The following GOLGB1 variants were observed in gnomAD, a reference collection of about 807,000 sequenced individuals.
GOLGB1 encodes the protein golgin subfamily B member 1.
In GOLGB1, 174 loss-of-function variants were observed where a neutral mutation model predicts 336.9. That is an observed-to-expected ratio of 0.52 (90% CI 0.46 to 0.59). GOLGB1 has a LOEUF of 0.59. Ranked by LOEUF, GOLGB1 falls within the 20% of genes least tolerant of loss-of-function variation. The probability of loss-of-function intolerance (pLI) is 0.00; values close to 1 mark genes in which losing one functional copy is unlikely to be tolerated. For synonymous variants in GOLGB1, 1,208 were observed against 1,289.2 expected, an observed-to-expected ratio of 0.94 and a Z score of 1.35; for missense variants, 3,331 against 3,645.3, an observed-to-expected ratio of 0.91 and a Z score of 2.22.
At chr3:121,731,037 A>T in intron 1 of GOLGB1, 64 bp from the exon 2 acceptor site, 4 of 1,465,234 alleles carry the variant, frequency 2.7e-6, no homozygotes, top group Non-Finnish European at 3.7e-6. Context: ...CTTCTCCTAT[A>T]TTGATAACCA....
intron 1 of GOLGB1, among the ~76,000 whole-genome samples, chr3:121,734,387 C>A: frequency 1.1e-5 from 1 of 90,628 alleles, no homozygotes; most frequent in African/African-American, 4.0e-5. Context: ...AAGACTCTGT[C>A]TCGGGAAAAA....
chr3:121,669,008 C>G (rs562973816), intron 18 of GOLGB1, among the ~76,000 whole-genome samples: 1 of 152,146 alleles, frequency 6.6e-6, no homozygotes, highest in Non-Finnish European at 1.5e-5. Flanking sequence ...TCTCTCCCAC[C>G]ATCTCACTGA....
At chr3:121,733,494 G>C (rs1284722132) in intron 1 of GOLGB1, among the ~76,000 whole-genome samples, 1 of 152,020 alleles carries the variant, frequency 6.6e-6, no homozygotes, top group Non-Finnish European at 1.5e-5. Context: ...AATAAATGTA[G>C]AAATAAAACA....
rs1560237815 is a variant in GOLGB1 at position 121,697,008 on chromosome 3, A to T, written c.3515T>A (p.Leu1172Gln). 6.8e-6 allele frequency: 11 copies of T among 1,614,018 alleles called. No homozygotes were observed. Among genetic ancestry groups the T allele is most frequent in the Non-Finnish European group, 9.3e-6 (11 of 1,179,956 alleles). The change falls in exon 13 of 22, where the codon CTG becomes CAG. Residue 1172 changes from leucine (L) to glutamine (Q), a missense_variant. By Grantham distance (113) the Leu-to-Gln change is moderately radical. Transcript: ENST00000614479. Reference sequence around the variant, plus strand: ...TTGCTCCTTTTCTTTTTCAAGGGCCAGTATCTTTTCTTCTAGTTCTGGTTT... The same window carrying T: ...TTGCTCCTTTTCTTTTTCAAGGGCCTGTATCTTTTCTTCTAGTTCTGGTTT... ...HWKPELEEKI[L>Q]ALEKEKEQLQ...
chr3:121,699,002 CTTG>C, intron 12 of GOLGB1, 73 bp from the exon 13 acceptor site: 1 of 1,152,912 alleles, frequency 8.7e-7, no homozygotes, highest in Non-Finnish European at 1.2e-6. Flanking sequence ...CAACTAAAAA[CTTG>C]TATTTCATCT....
intron 10 of GOLGB1, among the ~76,000 whole-genome samples, chr3:121,706,984 G>T (rs1030150041): frequency 6.7e-6 from 1 of 149,672 alleles, no homozygotes; most frequent in Non-Finnish European, 1.5e-5. Flanking sequence ...AGGCCGAGGC[G>T]GGTGGATCAT....
chr3:121,696,409 C>T lies in GOLGB1; in HGVS notation c.4114G>A (p.Ala1372Thr). The change falls in exon 13 of 22, where the codon GCC (alanine) becomes ACC (threonine). Residue 1372 changes from alanine to threonine, a missense_variant. Transcript: ENST00000614479. ...KTVSHEAEVH[A>T]ESLQQKLESS... ...TCCAATTTCTGCTGCAGGCTTTCGG[C>T]ATGGACTTCAGCTTCATGGGATACT... 6.2e-7 allele frequency: 1 copy of T among 1,614,154 alleles called. No homozygotes were observed. Among genetic ancestry groups the T allele is most frequent in the Non-Finnish European group, 8.5e-7 (1 of 1,180,014 alleles).
At chr3:121,708,107 T>C (rs1289871918) in intron 10 of GOLGB1, among the ~76,000 whole-genome samples, 3 of 152,220 alleles carry the variant, frequency 2.0e-5, no homozygotes, top group African/African-American at 7.2e-5. Flanking sequence ...GAATGAATTA[T>C]TACTAAACAA....
At chr3:121,716,622 C>G in intron 9 of GOLGB1, 115 bp downstream of exon 9, 1 of 820,312 alleles carries the variant, frequency 1.2e-6, no homozygotes, top group Non-Finnish European at 1.9e-6. Flanking sequence ...TTTCTCAGTC[C>G]TTCTATTGGT....
intron 13 of GOLGB1, among the ~76,000 whole-genome samples, chr3:121,692,991 A>T: frequency 6.6e-6 from 1 of 152,220 alleles, no homozygotes; most frequent in Non-Finnish European, 1.5e-5. Flanking sequence ...ATTGGAAGTA[A>T]GGAATACAAA....
chr3:121,688,803 G>A lies in GOLGB1; in HGVS notation c.8694+1867C>T, dbSNP rs185453104. ...GAGAGCGCCTCTGCTCCGCCGCCCC[G>A]TCTGGGATGTGAGGAGCGCCTCTGC... On this transcript the variant is annotated intron_variant, in intron 14 of 21. Coordinates refer to ENST00000614479, the MANE Select transcript of GOLGB1 (RefSeq NM_001366282.2). 4.4e-3 allele frequency among the ~76,000 whole-genome samples: 659 copies of A among 150,704 alleles called. 1 individual carries two copies. Among genetic ancestry groups the A allele is most frequent in the Non-Finnish European group, 5.6e-3 (381 of 67,770 alleles).
intron 9 of GOLGB1, among the ~76,000 whole-genome samples, chr3:121,715,941 G>A (rs1471603641): frequency 2.6e-5 from 4 of 150,994 alleles, no homozygotes; most frequent in African/African-American, 9.7e-5. Context: ...GCAGTGAGCC[G>A]AGATCATGCC....
intron 2 of GOLGB1, 171 bp downstream of exon 2, chr3:121,730,705 A>G (rs1417667676): frequency 1.8e-6 from 1 of 570,286 alleles, no homozygotes; most frequent in Non-Finnish European, 2.9e-6. Flanking sequence ...TGTGGCTTTT[A>G]AGCTAAAAAC....
At position 121,694,425 on chromosome 3, in the gene GOLGB1, C is replaced by A; in HGVS notation, c.6098G>T (p.Cys2033Phe). The A allele has an allele frequency of 6.2e-7, 1 of 1,613,042 alleles. No homozygotes were observed. The highest frequency in any genetic ancestry group is 8.5e-7 in the Non-Finnish European group (1 of 1,179,282). Residue 2033 changes from cysteine (C) to phenylalanine (F), a missense_variant, in exon 13 of 22, where the codon TGC (cysteine) becomes TTC (phenylalanine). Cys to Phe is a radical substitution (Grantham distance 205). Transcript: ENST00000614479. ...QQEVKQLQKD[C>F]IRYQEKISAL... ...ACTAATTTTCTCTTGATACCTGATG[C>A]AGTCCTTCTGTAGCTGCTTTACTTC...
At chr3:121,724,562 C>CAAAAA (rs34839183) in intron 5 of GOLGB1, among the ~76,000 whole-genome samples, 1 of 135,084 alleles carries the variant, frequency 7.4e-6, no homozygotes. Flanking sequence ...GAAAACAGAG[C>CAAAAA]AAAAAAAAAA....
At chr3:121,730,838 T>C in intron 2 of GOLGB1, 38 bp downstream of exon 2, 3 of 1,583,524 alleles carry the variant, frequency 1.9e-6, no homozygotes, top group Non-Finnish European at 2.6e-6. Flanking sequence ...ACACAGAACA[T>C]ATGTCTTACC....
chr3:121,722,669 G>A (rs571255091), intron 5 of GOLGB1, among the ~76,000 whole-genome samples: 8 of 152,120 alleles, frequency 5.3e-5, no homozygotes, highest in South Asian at 4.2e-4. Context: ...TAGGCAGACC[G>A]TCCTAAAAAC....
At chr3:121,683,137 A>G (rs1941295575) in intron 14 of GOLGB1, among the ~76,000 whole-genome samples, 1 of 141,284 alleles carries the variant, frequency 7.1e-6, no homozygotes, top group South Asian at 2.2e-4. Context: ...CCTGGACTCA[A>G]GTGATCCCTC....
intron 12 of GOLGB1, among the ~76,000 whole-genome samples, chr3:121,699,281 A>G (rs187587631): frequency 5.1e-4 from 77 of 152,256 alleles, no homozygotes; most frequent in Non-Finnish European, 1.1e-3. Flanking sequence ...AGGAAGCCAC[A>G]TTACTCCTCA....
Sources: gnomAD v4.1 joint callset for allele counts (sites outside exome capture counted in the v4.1 genomes callset) on GRCh38, gnomAD v4.1.1 for gene constraint, MANE v1.5 for transcripts, NCBI Gene and HGNC (gene_info 2026-07-23, HGNC 2026-07-21) for gene names.